The following TSHB variants were observed in gnomAD, a reference collection of about 807,000 sequenced individuals.
The protein encoded by TSHB is thyrotropin subunit beta.
Under a neutral mutation model 9.3 loss-of-function variants are expected in TSHB, and 9 were observed. That is an observed-to-expected ratio of 0.97 (90% confidence interval 0.58 to 1.69). TSHB has a LOEUF of 1.69. TSHB is among the 40% of genes most tolerant of loss of function. TSHB has a pLI of 0.00. For missense variants in TSHB, 182 were observed against 168.5 expected (o/e 1.08, Z -0.44); for synonymous variants, 57 against 57.2 (o/e 1.00, Z 0.01).
chr1:115,034,162 G>T lies in TSHB; in HGVS notation c.352G>T (p.Glu118Ter). 6.2e-7 allele frequency: 1 copy of T among 1,613,810 alleles called. No homozygotes were observed. Among genetic ancestry groups the T allele is most frequent in the South Asian group, 1.1e-5 (1 of 91,078 alleles). ...CNTDYSDCIHEAIKTNYCTKP... is the reference protein window; with the variant it reads ...CNTDYSDCIH ...TACTGACTATAGTGACTGCATACATGAAGCCATCAAGACAAACTACTGTAC... is the reference window on the plus strand; with the variant it reads ...TACTGACTATAGTGACTGCATACATTAAGCCATCAAGACAAACTACTGTAC... Residue 118 changes from glutamate (E) to a stop codon, truncating the protein, a stop_gained, in exon 3 of 3, where the codon GAA becomes TAA. Coordinates refer to ENST00000256592, the MANE Select transcript of TSHB (RefSeq NM_000549.5). LOFTEE classifies it high-confidence loss of function.
Position 115,033,447 on chromosome 1 carries a change from A to C in TSHB, c.85A>C (p.Met29Leu). ...TTTTTGTATTCCAACTGAGTATACA[A>C]TGCACATCGAAAGGAGAGAGTGTGC... ...MSFCIPTEYTMHIERRECAYC... is the reference protein window; with the variant it reads ...MSFCIPTEYTLHIERRECAYC... The change falls in exon 2 of 3, where the codon ATG becomes CTG. Residue 29 changes from methionine to leucine, a missense_variant. Met to Leu is a conservative substitution (Grantham distance 15, BLOSUM62 2). Transcript: ENST00000256592. 6.2e-7 allele frequency: 1 copy of C among 1,613,420 alleles called. No individual in the cohort carries two copies. The highest frequency in any genetic ancestry group is 8.5e-7 in the Non-Finnish European group (1 of 1,179,426).
In TSHB at chr1:115,034,032, T is replaced by C. The variant is rs755033635; in HGVS notation, c.222T>C (p.Tyr74=). The C allele has an allele frequency of 5.3e-5, 86 of 1,613,720 alleles. No homozygotes were observed. The highest frequency in any genetic ancestry group is 6.8e-5 in the Non-Finnish European group (80 of 1,179,766). ...KYALSQDVCT[Y]RDFIYRTVEI... is the part of the protein sequence containing the mutation. ...CTCTGTCCCAGGATGTTTGCACATA[T>C]AGAGACTTCATCTACAGGACTGTAG... The change falls in exon 3 of 3, where the codon TAT becomes TAC. Residue 74 remains tyrosine (Y), a synonymous_variant. Transcript: ENST00000256592.
intron 1 of TSHB, among the ~76,000 whole-genome samples, chr1:115,032,908 C>T (rs556026931): frequency 1.3e-5 from 2 of 151,940 alleles, no homozygotes; most frequent in Non-Finnish European, 2.9e-5. Flanking sequence ...ACTGTGGATC[C>T]TCTATTTTCT....
chr1:115,033,620 C>T (rs749698239), intron 2 of TSHB, 96 bp downstream of exon 2: 35 of 1,189,244 alleles, frequency 2.9e-5, no homozygotes, highest in African/African-American at 4.5e-5. Context: ...ATCACAACCT[C>T]ATTTCCCAAA....
chr1:115,032,912 A>G (rs896514317), intron 1 of TSHB, among the ~76,000 whole-genome samples: 2 of 150,826 alleles, frequency 1.3e-5, no homozygotes, highest in African/African-American at 4.9e-5. Context: ...TGGATCCTCT[A>G]TTTTCTTCCA....
At chr1:115,030,780 T>C (rs1477379602) in intron 1 of TSHB, among the ~76,000 whole-genome samples, 1 of 152,020 alleles carries the variant, frequency 6.6e-6, no homozygotes, top group African/African-American at 2.4e-5. Flanking sequence ...GAAGAAATTG[T>C]GGCATATCAC....
intron 1 of TSHB, 74 bp from the exon 2 acceptor site, chr1:115,033,288 G>GT: frequency 7.0e-7 from 1 of 1,428,176 alleles, no homozygotes; most frequent in Non-Finnish European, 9.8e-7. Context: ...CTGAAGTTTG[G>GT]TTATACTTTT....
intron 1 of TSHB, among the ~76,000 whole-genome samples, chr1:115,033,071 T>A (rs1406254600): frequency 6.6e-6 from 1 of 150,760 alleles, no homozygotes; most frequent in Non-Finnish European, 1.5e-5. Context: ...TGTAAAATAA[T>A]CTTTAATTTG....
At chr1:115,031,382 G>T (rs914292451) in intron 1 of TSHB, among the ~76,000 whole-genome samples, 1 of 151,900 alleles carries the variant, frequency 6.6e-6, no homozygotes. Flanking sequence ...AAAGGGTCAG[G>T]TGTACTTGTC....
At chr1:115,033,826 G>A in intron 2 of TSHB, 147 bp from the exon 3 acceptor site, 1 of 1,141,856 alleles carries the variant, frequency 8.8e-7, no homozygotes, top group Non-Finnish European at 1.3e-6. Flanking sequence ...ACGTGGTTAA[G>A]TTGGTATTGG....
chr1:115,033,645 G>A, intron 2 of TSHB, 121 bp downstream of exon 2: 2 of 985,608 alleles, frequency 2.0e-6, no homozygotes, highest in Non-Finnish European at 3.2e-6. Context: ...ATGGTTATTG[G>A]CTCCTTAGAA....
chr1:115,031,822 A>G (rs1674900093), intron 1 of TSHB, among the ~76,000 whole-genome samples: 2 of 152,070 alleles, frequency 1.3e-5, no homozygotes, highest in Non-Finnish European at 2.9e-5. Flanking sequence ...CTTAACTCAA[A>G]TACCAAACAA....
chr1:115,031,965 A>G (rs1005771179), intron 1 of TSHB, among the ~76,000 whole-genome samples: 2 of 152,084 alleles, frequency 1.3e-5, no homozygotes, highest in African/African-American at 4.8e-5. Context: ...AATAAGAAGT[A>G]TAGTAAACAT....
intron 1 of TSHB, among the ~76,000 whole-genome samples, chr1:115,031,065 G>C (rs1461010423): frequency 6.6e-6 from 1 of 151,968 alleles, no homozygotes; most frequent in Admixed American, 6.6e-5. Context: ...TTTGTGCTGC[G>C]AAGATTTTCA....
chr1:115,033,816 A>G (rs1381670991), intron 2 of TSHB, 157 bp from the exon 3 acceptor site: 1 of 499,658 alleles, frequency 2.0e-6, no homozygotes, highest in Non-Finnish European at 2.6e-6. Context: ...GTAGAATTCA[A>G]CGTGGTTAAG....
chr1:115,033,101 C>T (rs575133818), intron 1 of TSHB, among the ~76,000 whole-genome samples: 11 of 151,604 alleles, frequency 7.3e-5, no homozygotes, highest in African/African-American at 2.7e-4. Flanking sequence ...TACATATTTC[C>T]ACCTTAAAGG....
At chr1:115,032,326 G>A (rs558247802) in intron 1 of TSHB, among the ~76,000 whole-genome samples, 26 of 152,062 alleles carry the variant, frequency 1.7e-4, no homozygotes, top group Admixed American at 4.6e-4. Context: ...AACCAAGGCC[G>A]AACCTATGAG....
chr1:115,033,412 A>G lies in TSHB; in HGVS notation c.50A>G (p.Gln17Arg). 1 of 1,613,526 alleles carries G rather than the reference A, an allele frequency of 6.2e-7. No homozygotes were observed. Residue 17 changes from glutamine (Q) to arginine (R), a missense_variant, in exon 2 of 3, where the codon CAA becomes CGA. Coordinates refer to ENST00000256592, the MANE Select transcript of TSHB (RefSeq NM_000549.5). ...MSMLFGLTCG[Q>R]AMSFCIPTEY... ...ATGCTTTTTGGCCTTACATGTGGGC[A>G]AGCGATGTCTTTTTGTATTCCAACT...
chr1:115,033,376 TTCTGATG>T lies in TSHB; in HGVS notation c.17_23del (p.Leu6ProfsTer33). On this transcript the variant is annotated frameshift_variant, in exon 2 of 3. Coordinates refer to ENST00000256592, the MANE Select transcript of TSHB (RefSeq NM_000549.5). LOFTEE classifies it high-confidence loss of function. ...CTTTGATTTAGCATGACTGCTCTCT[TTCTGATG>T]TCCATGCTTTTTGGCCTTACATGTG... The T allele has an allele frequency of 6.2e-7, 1 of 1,613,460 alleles. No homozygotes were observed. The highest frequency in any genetic ancestry group is 1.3e-5 in the African/African-American group (1 of 75,014).
Sources: allele counts gnomAD v4.1 joint callset (sites outside exome capture counted in the v4.1 genomes callset), GRCh38; gene constraint gnomAD v4.1.1; transcripts MANE v1.5; gene names NCBI Gene and HGNC (gene_info 2026-07-23, HGNC 2026-07-21).